The following ZNF35 variants were observed in gnomAD, a reference collection of about 807,000 sequenced individuals.
ZNF35 encodes the protein zinc finger protein 35, also known as zinc finger protein 35 (clone HF.10).
In ZNF35, 31 loss-of-function variants were observed where a neutral mutation model predicts 45.9. The observed-to-expected ratio is 0.68, with a 90% CI of 0.51 to 0.91. The LOEUF (loss-of-function observed/expected upper bound fraction) is 0.91, where lower values mean the gene tolerates loss of function less well. Ranked by LOEUF, ZNF35 falls within the 40% of genes least tolerant of loss-of-function variation. ZNF35 has a pLI of 0.00. For synonymous variants in ZNF35, 205 were observed against 220.2 expected (o/e 0.93, Z 0.61); for missense variants, 515 against 625.4 (o/e 0.82, Z 1.88).
chr3:44,659,270 G>GA lies in ZNF35; in HGVS notation c.913dup (p.Thr305AsnfsTer3), dbSNP rs1443378706. Reference sequence around the variant, plus strand: ...TGTACATCAAAAAATCCACTCCTTAGAAAAAACTTTTAAGTGCAATGAATG... The same window carrying GA: ...TGTACATCAAAAAATCCACTCCTTAGAAAAAAACTTTTAAGTGCAATGAATG... On this transcript the variant is annotated frameshift_variant, in exon 4 of 4. Transcript: ENST00000396056. LOFTEE classifies it high-confidence loss of function. This position sits in a 1 kb window ranked among gnomAD's most constrained non-coding sequence, Gnocchi z 4.3. 1.2e-6 allele frequency: 2 copies of GA among 1,613,510 alleles called. No homozygotes were observed. The highest frequency in any genetic ancestry group is 2.7e-5 in the African/African-American group (2 of 74,980).
At chr3:44,654,881 C>T (rs1703269685) in intron 3 of ZNF35, among the ~76,000 whole-genome samples, 1 of 152,166 alleles carries the variant, frequency 6.6e-6, no homozygotes, top group Non-Finnish European at 1.5e-5. Flanking sequence ...AGCCTGTAAT[C>T]CTAGCACTTT....
At position 44,659,856 on chromosome 3, in the gene ZNF35, G is replaced by A; in HGVS notation, c.1493G>A (p.Gly498Glu). The A allele has an allele frequency of 6.2e-7, 1 of 1,613,328 alleles. No homozygotes were observed. Among genetic ancestry groups the A allele is most frequent in the Non-Finnish European group, 8.5e-7 (1 of 1,179,492 alleles). ...SLTVHQRTHT[G>E]EKPYECEKCG... ...ACCGTGCACCAGAGAACCCACACTG[G>A]GGAGAAGCCCTATGAATGTGAGAAG... Residue 498 changes from glycine to glutamate, a missense_variant, in exon 4 of 4, where the codon GGG (glycine) becomes GAG (glutamate). By Grantham distance (98) the Gly-to-Glu change is moderately conservative. Coordinates refer to ENST00000396056, the MANE Select transcript of ZNF35 (RefSeq NM_003420.4). This position sits in a 1 kb window ranked among gnomAD's most constrained non-coding sequence, Gnocchi z 4.3.
intron 3 of ZNF35, among the ~76,000 whole-genome samples, chr3:44,657,925 G>GT (rs1384132296): frequency 6.6e-6 from 1 of 152,134 alleles, no homozygotes; most frequent in Admixed American, 6.6e-5. Flanking sequence ...TTGACATAGA[G>GT]TAACTCCATT....
chr3:44,652,507 C>T, intron 2 of ZNF35, 50 bp from the exon 3 acceptor site: 2 of 1,449,690 alleles, frequency 1.4e-6, no homozygotes, highest in East Asian at 2.6e-5. Flanking sequence ...TGTAACCACA[C>T]TACCCCCTAC....
At chr3:44,653,503 G>T (rs1377645307) in intron 3 of ZNF35, among the ~76,000 whole-genome samples, 3 of 152,196 alleles carry the variant, frequency 2.0e-5, no homozygotes, top group Non-Finnish European at 1.5e-5. Flanking sequence ...GTTAGCATAG[G>T]TTGGTGAGCC....
Position 44,660,017 on chromosome 3 carries a change from C to T in ZNF35, c.*70C>T, listed in dbSNP as rs143449453. ...GCCTCCCTAATGAGACACCTCTTTGCTGTTTTCTTCCTCCTCTATAAAAGT... is the reference window on the plus strand; with the variant it reads ...GCCTCCCTAATGAGACACCTCTTTGTTGTTTTCTTCCTCCTCTATAAAAGT... On this transcript the variant is annotated 3_prime_UTR_variant, in exon 4 of 4. Transcript: ENST00000396056. 51 of 1,445,170 alleles carry T rather than the reference C, an allele frequency of 3.5e-5. No homozygotes were observed. The East Asian group carries it at 1.1e-3, about 31-fold the overall frequency. 89.5% of individuals were successfully genotyped at this position (1,445,170 alleles called of 1,614,324 possible).
At position 44,660,268 on chromosome 3, in the gene ZNF35, C is replaced by T. The variant is rs937071336; in HGVS notation, c.*321C>T. 4 of 201,524 alleles carry T rather than the reference C, an allele frequency of 2.0e-5. No homozygotes were observed. The highest frequency in any genetic ancestry group is 6.9e-5 in the African/African-American group (3 of 43,352). The allele number at this position is 201,524 out of a possible 1,614,324, so 12.5% of individuals were successfully genotyped here. ...GCTATTTGGGGAAAGGTCTTTTTTG[C>T]TTAATTTTGTTTTTTAAAACTCTGA... On this transcript the variant is annotated 3_prime_UTR_variant, in exon 4 of 4. Transcript: ENST00000396056.
Position 44,652,538 on chromosome 3 carries a change from T to C in ZNF35, c.193-19T>C. ...CCTACCACCAGTTCCCTCTTAAACA[T>C]GTGCCTGCTTGTCTCTAGGGTCAGA... On this transcript the variant is annotated intron_variant, in intron 2 of 3. Transcript: ENST00000396056. The C allele has an allele frequency of 1.9e-6, 3 of 1,551,936 alleles. No homozygotes were observed. In the South Asian group the frequency reaches 3.7e-5, roughly 19 times the overall value.
chr3:44,647,656 A>AT (rs748123563), upstream of ZNF35: 3 of 152,236 alleles, frequency 2.0e-5, no homozygotes, highest in Non-Finnish European at 2.9e-5. Context: ...AACAACTCAA[A>AT]TAAATTTCAA....
At chr3:44,657,394 C>G (rs1353728717) in intron 3 of ZNF35, among the ~76,000 whole-genome samples, 1 of 152,216 alleles carries the variant, frequency 6.6e-6, no homozygotes, top group Non-Finnish European at 1.5e-5. Context: ...CTTTATTTCA[C>G]TTGCCTTATT....
intron 3 of ZNF35, among the ~76,000 whole-genome samples, chr3:44,654,487 G>A (rs748540044): frequency 1.4e-4 from 21 of 152,160 alleles, no homozygotes; most frequent in African/African-American, 5.1e-4. Context: ...GTCAGGCAGC[G>A]TGATAGGTGC....
chr3:44,647,919 C>G (rs556865060), upstream of ZNF35: 1 of 152,236 alleles, frequency 6.6e-6, no homozygotes, highest in Admixed American at 6.5e-5. Context: ...TCTATAGGTG[C>G]TATACCTATA....
upstream of ZNF35, chr3:44,648,085 A>C (rs1703063676): frequency 6.6e-6 from 1 of 152,224 alleles, no homozygotes; most frequent in South Asian, 2.1e-4. Context: ...AAAACCCAAA[A>C]CTAAAGAGCT....
rs1410086977 is a variant in ZNF35, at chr3:44,660,460, T to G, written c.*513T>G. The G allele has an allele frequency of 6.5e-6, 1 of 152,730 alleles. No homozygotes were observed. Among genetic ancestry groups the G allele is most frequent in the Non-Finnish European group, 1.5e-5 (1 of 68,444 alleles). The allele number at this position is 152,730 out of a possible 1,614,324, so 9.5% of individuals were successfully genotyped here. A position where few individuals can be genotyped will look rare whatever the true frequency, so the allele number is the denominator to read the frequency against. On this transcript the variant is annotated 3_prime_UTR_variant, in exon 4 of 4. Transcript: ENST00000396056. ...AGCTTTCCATTTCCTAGGTAATTTTTTAAAAGCCAGTCAAAACAAAAACTT... is the reference window on the plus strand; with the variant it reads ...AGCTTTCCATTTCCTAGGTAATTTTGTAAAAGCCAGTCAAAACAAAAACTT...
rs752918767 is a variant in ZNF35 at position 44,659,948 on chromosome 3, CAAGT to C, written c.*5_*8del. 7.0e-5 allele frequency: 108 copies of C among 1,534,988 alleles called. 1 individual carries two copies. The highest frequency in any genetic ancestry group is 6.6e-4 in the African/African-American group (48 of 72,408). On this transcript the variant is annotated 3_prime_UTR_variant, in exon 4 of 4. Coordinates refer to ENST00000396056, the MANE Select transcript of ZNF35 (RefSeq NM_003420.4). The surrounding 1 kb of genome is among the most constrained non-coding windows in gnomAD (Gnocchi z 4.3). ...CCATAGAACCCATCTTGTTGAATAA[CAAGT>C]AAGGAAGAGGAAGACCTCCAGCATT... is the stretch of plus-strand genomic sequence containing the variant.
At chr3:44,655,019 A>G (rs1194341785) in intron 3 of ZNF35, among the ~76,000 whole-genome samples, 1 of 152,150 alleles carries the variant, frequency 6.6e-6, no homozygotes, top group Admixed American at 6.5e-5. Context: ...CTATAGTCCC[A>G]GCTACTTGGG....
At chr3:44,653,460 A>G (rs1703242168) in intron 3 of ZNF35, among the ~76,000 whole-genome samples, 1 of 152,216 alleles carries the variant, frequency 6.6e-6, no homozygotes, top group African/African-American at 2.4e-5. Flanking sequence ...CTGTGCACAC[A>G]TGTAGGCACA....
upstream of ZNF35, chr3:44,646,653 C>T (rs368857512): frequency 6.0e-6 from 4 of 664,278 alleles, no homozygotes; most frequent in African/African-American, 7.3e-5. Flanking sequence ...TGTCTTGAGT[C>T]TGCTGTGAGT....
chr3:44,651,485 G>A (rs769451554), intron 2 of ZNF35, among the ~76,000 whole-genome samples: 13 of 152,128 alleles, frequency 8.5e-5, no homozygotes, highest in Non-Finnish European at 1.6e-4. Flanking sequence ...AGAACCTGGA[G>A]AGCTTTTTAT....
Sources: allele counts gnomAD v4.1 joint callset (sites outside exome capture counted in the v4.1 genomes callset), GRCh38; gene constraint gnomAD v4.1.1; non-coding constraint Gnocchi (gnomAD v3.1); transcripts MANE v1.5; gene names NCBI Gene and HGNC (gene_info 2026-07-23, HGNC 2026-07-21).